Variants in TMEM132C observed in about 807,000 individuals in gnomAD.
The protein encoded by TMEM132C is protein phosphatase 1, regulatory subunit 152.
Under a neutral mutation model 61.4 loss-of-function variants are expected in TMEM132C, and 29 were observed. That is an observed-to-expected ratio of 0.47 (90% CI 0.35 to 0.64). The LOEUF (loss-of-function observed/expected upper bound fraction) is 0.64. Among genes scored for constraint, TMEM132C ranks in the 30% least tolerant of loss-of-function variants. The pLI, the probability that TMEM132C is intolerant of heterozygous loss-of-function variation, is 0.00. For missense variants in TMEM132C, 1,408 were observed against 1,476.9 expected (o/e 0.95, Z 0.76); for synonymous variants, 656 against 633.1 (o/e 1.04, Z -0.54).
intron 2 of TMEM132C, among the ~76,000 whole-genome samples, chr12:128,496,685 A>C (rs988004016): frequency 1.3e-5 from 2 of 152,176 alleles, no homozygotes; most frequent in Non-Finnish European, 1.5e-5. Flanking sequence ...CAGCTCCATC[A>C]GGTCATTTAA....
chr12:128,368,134 G>A (rs1873924390), intron 1 of TMEM132C, among the ~76,000 whole-genome samples: 1 of 152,224 alleles, frequency 6.6e-6, no homozygotes, highest in East Asian at 1.9e-4. Context: ...CCACCAGCCA[G>A]GGTGCCCCAC....
At chr12:128,566,189 CAAAA>C (rs59258589) in intron 3 of TMEM132C, among the ~76,000 whole-genome samples, 7 of 67,824 alleles carry the variant, frequency 1.0e-4, no homozygotes, top group South Asian at 5.3e-4. Flanking sequence ...CAAGCCTAAC[CAAAA>C]AAAAAAAAAA....
chr12:128,337,115 G>A (rs1459273058), intron 1 of TMEM132C, among the ~76,000 whole-genome samples: 2 of 152,134 alleles, frequency 1.3e-5, no homozygotes, highest in Non-Finnish European at 2.9e-5. Context: ...TAAAGAGAGA[G>A]AACTGGAAGA....
In TMEM132C at chr12:128,630,877, C is replaced by A. The variant is rs142065435; in HGVS notation, c.1305+14542C>A. ...GTGAAACCCATCTCTACTAAAAATA[C>A]AAAAATTAGTCGGGCATGGTGGTAT... On this transcript the variant is annotated intron_variant, in intron 4 of 8. Coordinates refer to ENST00000435159, the MANE Select transcript of TMEM132C (RefSeq NM_001136103.3). The surrounding 1 kb of genome is among the most constrained non-coding windows in gnomAD (Gnocchi z 4.3). Among the ~76,000 whole-genome samples, 760 of 152,204 alleles carry A rather than the reference C, an allele frequency of 5.0e-3. 4 individuals are homozygous for A. Among genetic ancestry groups the A allele is most frequent in the African/African-American group, 0.017 (721 of 41,530 alleles).
At chr12:128,622,360 AAT>A (rs767066742) in intron 4 of TMEM132C, among the ~76,000 whole-genome samples, 182 of 30,096 alleles carry the variant, frequency 6.0e-3, no homozygotes, top group East Asian at 0.015. Context: ...AAAAAAAAAA[AAT>A]ATATATATAT....
chr12:128,651,102 C>T (rs1467070089), intron 4 of TMEM132C, among the ~76,000 whole-genome samples: 1 of 152,158 alleles, frequency 6.6e-6, no homozygotes, highest in African/African-American at 2.4e-5. Context: ...GAGTAAGAAA[C>T]AAAATTTAGC....
chr12:128,445,363 C>G (rs1478132579), intron 2 of TMEM132C, among the ~76,000 whole-genome samples: 1 of 152,180 alleles, frequency 6.6e-6, no homozygotes, highest in Non-Finnish European at 1.5e-5. Context: ...CATTGCCTCT[C>G]CTGTGGTTGT....
At chr12:128,691,855 A>C (rs1474967123) in intron 5 of TMEM132C, among the ~76,000 whole-genome samples, 1 of 150,640 alleles carries the variant, frequency 6.6e-6, no homozygotes, top group Admixed American at 6.6e-5. Context: ...TTTGTCCACC[A>C]CCCATTCACC....
chr12:128,345,312 G>A (rs1266359965), intron 1 of TMEM132C, among the ~76,000 whole-genome samples: 1 of 152,114 alleles, frequency 6.6e-6, no homozygotes, highest in Non-Finnish European at 1.5e-5. Context: ...ATCACTGATG[G>A]ACACTTAGGT....
intron 4 of TMEM132C, among the ~76,000 whole-genome samples, chr12:128,633,365 C>T (rs1954077748): frequency 6.6e-6 from 1 of 152,164 alleles, no homozygotes; most frequent in African/African-American, 2.4e-5. Flanking sequence ...TTACTGGGAC[C>T]ATCTTGGAAG....
intron 2 of TMEM132C, among the ~76,000 whole-genome samples, chr12:128,541,045 C>CTCTCTCTCTCTCTG: frequency 6.6e-6 from 1 of 151,996 alleles, no homozygotes; most frequent in East Asian, 1.9e-4. Context: ...CTCTCTCTCT[C>CTCTCTCTCTCTCTG]TGTGTGTCTG....
chr12:128,431,648 G>A (rs185951195), intron 2 of TMEM132C, among the ~76,000 whole-genome samples: 2 of 145,540 alleles, frequency 1.4e-5, no homozygotes, highest in East Asian at 2.0e-4. Flanking sequence ...TCTGCCTCTC[G>A]GGTTCAAGCG....
At chr12:128,445,828 T>G (rs1191832463) in intron 2 of TMEM132C, among the ~76,000 whole-genome samples, 2 of 152,142 alleles carry the variant, frequency 1.3e-5, no homozygotes, top group African/African-American at 4.8e-5. Flanking sequence ...CCTGGGGACT[T>G]CACGCTGCTT....
chr12:128,668,877 A>G (rs1954502967), intron 4 of TMEM132C, among the ~76,000 whole-genome samples: 1 of 152,142 alleles, frequency 6.6e-6, no homozygotes, highest in Non-Finnish European at 1.5e-5. Context: ...GCTCCCTCTT[A>G]TAAGGACTTT....
intron 2 of TMEM132C, among the ~76,000 whole-genome samples, chr12:128,533,858 C>T (rs974170350): frequency 3.0e-4 from 46 of 152,042 alleles, no homozygotes; most frequent in Admixed American, 2.8e-3. Flanking sequence ...GACAGCCTTA[C>T]AGGGCCCAGA....
rs563337250 is a variant in TMEM132C at position 128,390,289 on chromosome 12, C to G, written c.86-24443C>G. On this transcript the variant is annotated intron_variant, in intron 1 of 8. Transcript: ENST00000435159. ...GAAGCCCACCATGGGCCTCAGCGGG[C>G]AGAAAGCAAGGTGCTGGCAGGGCTA... 2.0e-5 allele frequency among the ~76,000 whole-genome samples: 3 copies of G among 152,344 alleles called. No individual in the cohort carries two copies. The East Asian group carries it at 5.8e-4, about 29-fold the overall frequency.
chr12:128,354,416 T>C (rs1473275950), intron 1 of TMEM132C, among the ~76,000 whole-genome samples: 2 of 151,982 alleles, frequency 1.3e-5, no homozygotes, highest in East Asian at 1.9e-4. Context: ...TCTTCCCTTC[T>C]TTAATTCTTT....
At chr12:128,322,090 A>C (rs1417450988) in intron 1 of TMEM132C, among the ~76,000 whole-genome samples, 2 of 152,212 alleles carry the variant, frequency 1.3e-5, no homozygotes, top group East Asian at 3.8e-4. Flanking sequence ...CGAACCTGAG[A>C]TGTTTTGTGA....
At chr12:128,294,959 C>G (rs759464367) in intron 1 of TMEM132C, among the ~76,000 whole-genome samples, 18 of 111,336 alleles carry the variant, frequency 1.6e-4, no homozygotes, top group Non-Finnish European at 2.8e-4. Context: ...GGAACCAATG[C>G]TTGGTGTGAG....
Sources: gnomAD v4.1 joint callset for allele counts (sites outside exome capture counted in the v4.1 genomes callset) on GRCh38, gnomAD v4.1.1 for gene constraint, Gnocchi (gnomAD v3.1) non-coding constraint, MANE v1.5 for transcripts, NCBI Gene and HGNC (gene_info 2026-07-23, HGNC 2026-07-21) for gene names.